FRMD5: variants seen among roughly 807,000 people sequenced by gnomAD.
The protein encoded by FRMD5 is FERM domain containing 5, also known as FERM domain-containing protein 5.
A neutral mutation model predicts 69.0 loss-of-function variants in FRMD5; 20 were observed. That is an observed-to-expected ratio of 0.29 (90% CI 0.20 to 0.42). FRMD5 has a LOEUF of 0.42. Among genes scored for constraint, FRMD5 ranks in the 10% least tolerant of loss-of-function variants. The pLI is 1.00. For synonymous variants in FRMD5, 271 were observed against 260.1 expected, an observed-to-expected ratio of 1.04 and a Z score of -0.40; for missense variants, 595 against 708.6, an observed-to-expected ratio of 0.84 and a Z score of 1.82.
intron 1 of FRMD5, among the ~76,000 whole-genome samples, chr15:43,940,736 G>A (rs1027638095): frequency 5.3e-5 from 8 of 152,282 alleles, no homozygotes; most frequent in Non-Finnish European, 1.0e-4. Context: ...CAATATTTAG[G>A]TGGCAGAATA....
At chr15:44,011,515 G>A (rs768440173) in intron 1 of FRMD5, among the ~76,000 whole-genome samples, 3 of 152,184 alleles carry the variant, frequency 2.0e-5, no homozygotes, top group Non-Finnish European at 4.4e-5. Context: ...ACAATGAAGT[G>A]TTAGTGAAGC....
chr15:44,162,210 C>T (rs1381914861), intron 1 of FRMD5, among the ~76,000 whole-genome samples: 1 of 151,038 alleles, frequency 6.6e-6, no homozygotes, highest in Non-Finnish European at 1.5e-5. Context: ...GTGATCCACT[C>T]GCCTCAGCCT....
At chr15:43,933,346 T>C (rs1338707192) in intron 1 of FRMD5, among the ~76,000 whole-genome samples, 5 of 152,296 alleles carry the variant, frequency 3.3e-5, no homozygotes, top group South Asian at 2.1e-4. Context: ...CTCCGGACCA[T>C]TGGTTCTCAC....
At chr15:44,170,798 A>G (rs1469622994) in intron 1 of FRMD5, among the ~76,000 whole-genome samples, 4 of 152,178 alleles carry the variant, frequency 2.6e-5, no homozygotes, top group Non-Finnish European at 4.4e-5. Context: ...AGTTGGTTAT[A>G]CTACAACACC....
intron 1 of FRMD5, among the ~76,000 whole-genome samples, chr15:44,092,540 T>C (rs2076487883): frequency 6.6e-6 from 1 of 152,230 alleles, no homozygotes; most frequent in African/African-American, 2.4e-5. Flanking sequence ...TGATATACTC[T>C]GTGCAAAATT....
chr15:44,088,688 T>C (rs1252517560), intron 1 of FRMD5, among the ~76,000 whole-genome samples: 2 of 152,298 alleles, frequency 1.3e-5, no homozygotes, highest in Non-Finnish European at 2.9e-5. Flanking sequence ...TTCCATACCA[T>C]ATGCCAGGCA....
intron 1 of FRMD5, among the ~76,000 whole-genome samples, chr15:44,008,957 C>T (rs886699678): frequency 1.3e-5 from 2 of 151,940 alleles, no homozygotes; most frequent in Non-Finnish European, 2.9e-5. Context: ...ACCCGGGAGG[C>T]GGAGCTTGCA....
chr15:44,100,897 T>A (rs983266210), intron 1 of FRMD5, among the ~76,000 whole-genome samples: 6 of 152,154 alleles, frequency 3.9e-5, no homozygotes, highest in Non-Finnish European at 8.8e-5. Context: ...ACGCCTGTAA[T>A]CCCAGCACTT....
intron 2 of FRMD5, among the ~76,000 whole-genome samples, chr15:43,922,440 C>T (rs1423893832): frequency 6.6e-6 from 1 of 152,198 alleles, no homozygotes; most frequent in Admixed American, 6.5e-5. Flanking sequence ...AGCGCAGAGC[C>T]TGGCAAGCAG....
At chr15:43,909,374 T>A (rs2089242026) in intron 5 of FRMD5, among the ~76,000 whole-genome samples, 1 of 148,176 alleles carries the variant, frequency 6.7e-6, no homozygotes, top group African/African-American at 2.5e-5. Context: ...CACTCCAGAC[T>A]AGGCCACAAA....
intron 1 of FRMD5, among the ~76,000 whole-genome samples, chr15:44,016,946 A>C (rs1280931143): frequency 6.6e-6 from 1 of 151,912 alleles, no homozygotes; most frequent in Non-Finnish European, 1.5e-5. Flanking sequence ...CACTGGGCTA[A>C]TTTTTTGTAG....
intron 1 of FRMD5, among the ~76,000 whole-genome samples, chr15:43,999,861 A>G (rs938979985): frequency 3.8e-5 from 4 of 106,590 alleles, no homozygotes; most frequent in Non-Finnish European, 8.2e-5. Context: ...TATCACAGAT[A>G]TATGTGTGAT....
intron 1 of FRMD5, among the ~76,000 whole-genome samples, chr15:44,037,128 C>T (rs1467765351): frequency 6.6e-6 from 1 of 152,010 alleles, no homozygotes; most frequent in Non-Finnish European, 1.5e-5. Context: ...TAATGCTATC[C>T]CTCCCCTAGC....
chr15:44,001,431 G>A (rs922945939), intron 1 of FRMD5, among the ~76,000 whole-genome samples: 3 of 151,802 alleles, frequency 2.0e-5, no homozygotes, highest in African/African-American at 7.3e-5. Flanking sequence ...ACTTGTTTTT[G>A]CTTTTGTTGC....
chr15:44,135,974 C>T (rs536880096), intron 1 of FRMD5, among the ~76,000 whole-genome samples: 1 of 152,108 alleles, frequency 6.6e-6, no homozygotes, highest in South Asian at 2.1e-4. Context: ...AGTTTTGGGT[C>T]GCAGTAAGTA....
Position 43,908,314 on chromosome 15 carries a change from C to G in FRMD5, c.427+1568G>C, listed in dbSNP as rs368107108. On this transcript the variant is annotated intron_variant, in intron 5 of 13. Coordinates refer to ENST00000417257, the MANE Select transcript of FRMD5 (RefSeq NM_032892.5). ...CTGCACTCTGGCCTAGGGGACAGAG[C>G]CAGATCCTGTCTCAAAAAAAAAAAA... Among the ~76,000 whole-genome samples, 10 of 129,114 alleles carry G rather than the reference C, an allele frequency of 7.7e-5. No individual in the cohort carries two copies. In the East Asian group the frequency reaches 9.2e-4, roughly 12 times the overall value. The allele number at this position is 129,114 out of a possible 152,430, so 84.7% of individuals were successfully genotyped here. A position where few individuals can be genotyped will look rare whatever the true frequency, so the allele number is the denominator to read the frequency against.
At chr15:43,955,814 T>C (rs2090105824) in intron 1 of FRMD5, among the ~76,000 whole-genome samples, 1 of 138,538 alleles carries the variant, frequency 7.2e-6, no homozygotes, top group Non-Finnish European at 1.5e-5. Flanking sequence ...ACTTCAGAGA[T>C]TTTTTTTTTT....
In FRMD5 at chr15:43,884,725, A is replaced by G; in HGVS notation, c.1028+2T>C. 6.2e-7 allele frequency: 1 copy of G among 1,613,734 alleles called. No homozygotes were observed. The highest frequency in any genetic ancestry group is 8.5e-7 in the Non-Finnish European group (1 of 1,179,618). On this transcript the variant is annotated splice_donor_variant, in intron 12 of 13. Coordinates refer to ENST00000417257, the MANE Select transcript of FRMD5 (RefSeq NM_032892.5). LOFTEE classifies it high-confidence loss of function. The stretch of plus-strand genomic sequence containing the variant: ...TTTGGGGGGAAGCCCCTGGCAGCCT[A>G]CCTGTGTATTTCCGGTGGCTCCCGT...
intron 1 of FRMD5, among the ~76,000 whole-genome samples, chr15:43,972,030 T>C (rs764928416): frequency 6.8e-6 from 1 of 147,952 alleles, no homozygotes; most frequent in Admixed American, 6.8e-5. Flanking sequence ...ACCTCATCTC[T>C]ATTAAAAAAA....
Sources: allele counts gnomAD v4.1 joint callset (sites outside exome capture counted in the v4.1 genomes callset), GRCh38; gene constraint gnomAD v4.1.1; transcripts MANE v1.5; gene names NCBI Gene and HGNC (gene_info 2026-07-23, HGNC 2026-07-21).